The following PRH1 variants were observed in gnomAD, a reference collection of about 807,000 sequenced individuals.
The protein encoded by PRH1 is proline rich protein HaeIII subfamily 1.
In PRH1, 7 loss-of-function variants were observed where a neutral mutation model predicts 7.9. The observed-to-expected ratio is 0.89, with a 90% CI of 0.50 to 1.67. PRH1 has a LOEUF of 1.67. PRH1 is among the 40% of genes most tolerant of loss of function. The pLI is 0.00. For synonymous variants in PRH1, 45 were observed against 80.8 expected (o/e 0.56, Z 2.38); for missense variants, 109 against 223.6 (o/e 0.49, Z 3.27).
In PRH1 at chr12:11,005,608, T is replaced by C. The variant is rs544919970; in HGVS notation, c.-125-31887A>G. Among the ~76,000 whole-genome samples, 96 of 152,240 alleles carry C rather than the reference T, an allele frequency of 6.3e-4. 1 individual carries two copies. Among genetic ancestry groups the C allele is most frequent in the African/African-American group, 2.2e-3 (93 of 41,562 alleles). Reference sequence around the variant, plus strand: ...TGCTAATATGTTTGTATAAGTCTATTGTTAACAAGCTCATTAACACAAACA... The same window carrying C: ...TGCTAATATGTTTGTATAAGTCTATCGTTAACAAGCTCATTAACACAAACA... On this transcript the variant is annotated intron_variant, in intron 1 of 3. Coordinates refer to the PRH1 transcript ENST00000539853.
chr12:11,110,565 T>C (rs577799726), intron 1 of PRH1, among the ~76,000 whole-genome samples: 129 of 152,302 alleles, frequency 8.5e-4, no homozygotes, highest in African/African-American at 3.0e-3. Flanking sequence ...AGCTTCATAG[T>C]TGAAGGAGAA....
Position 10,995,399 on chromosome 12 carries a change from A to G in PRH1, c.-125-21678T>C, listed in dbSNP as rs562529498. Among the ~76,000 whole-genome samples, 3 of 152,318 alleles carry G rather than the reference A, an allele frequency of 2.0e-5. No individual in the cohort carries two copies. The South Asian group carries it at 6.2e-4, about 32-fold the overall frequency. On this transcript the variant is annotated intron_variant, in intron 1 of 3. Coordinates refer to the PRH1 transcript ENST00000539853. ...TTAGATAATATTGTTAAAATTGCAT[A>G]ACACCAGAAATTAATACAGTCACAC...
chr12:11,122,475 C>A (rs1181622203), intron 1 of PRH1, among the ~76,000 whole-genome samples: 2 of 152,246 alleles, frequency 1.3e-5, no homozygotes, highest in Non-Finnish European at 2.9e-5. Context: ...TTCTGCTAAA[C>A]CAAAAGTGTG....
intron 2 of PRH1, among the ~76,000 whole-genome samples, chr12:10,924,756 C>G (rs375672763): frequency 3.3e-5 from 5 of 152,096 alleles, no homozygotes. Flanking sequence ...AGGAATGTAT[C>G]CATTTCTTCT....
intron 1 of PRH1, among the ~76,000 whole-genome samples, chr12:11,111,312 T>A (rs1945584342): frequency 6.6e-6 from 1 of 152,214 alleles, no homozygotes; most frequent in Non-Finnish European, 1.5e-5. Context: ...CTAATAGACA[T>A]CTACAGAACT....
rs750024322 is a variant in PRH1 at position 11,062,030 on chromosome 12, C to T, written n.124-14842G>A. The stretch of plus-strand genomic sequence containing the variant: ...CAGTTGCTGAAATGGTTGATTACTG[C>T]CCAGACATTGTAAGCAGTAATTCTT... On this transcript the variant is annotated intron_variant and non_coding_transcript_variant, in intron 1 of 4. Coordinates refer to the PRH1 transcript ENST00000541977. 1.5e-5 allele frequency: 24 copies of T among 1,613,274 alleles called. No individual in the cohort carries two copies. The highest frequency in any genetic ancestry group is 1.9e-5 in the Non-Finnish European group (23 of 1,179,660).
intron 1 of PRH1, among the ~76,000 whole-genome samples, chr12:10,977,035 G>A (rs989461032): frequency 6.6e-6 from 1 of 151,982 alleles, no homozygotes; most frequent in African/African-American, 2.4e-5. Flanking sequence ...AAGAAACTGA[G>A]GAAAAGGGAC....
rs561335198 is a variant in PRH1 at position 11,150,578 on chromosome 12, C to A, written n.39+20844G>T. On this transcript the variant is annotated intron_variant and non_coding_transcript_variant, in intron 1 of 1. Transcript: ENST00000541175. ...AGTAAACTATGGCAAGGACAAAAAACCAAACACTGCATGTTCTCACTCATA... is the reference window on the plus strand; with the variant it reads ...AGTAAACTATGGCAAGGACAAAAAAACAAACACTGCATGTTCTCACTCATA... Among the ~76,000 whole-genome samples the A allele has an allele frequency of 5.3e-5, 8 of 152,124 alleles. No homozygotes were observed. In the South Asian group the frequency reaches 1.2e-3, roughly 24 times the overall value.
At chr12:10,948,257 G>T (rs1219126132) in intron 2 of PRH1, among the ~76,000 whole-genome samples, 3 of 152,202 alleles carry the variant, frequency 2.0e-5, no homozygotes, top group Admixed American at 2.0e-4. Flanking sequence ...CCCTTTCAGG[G>T]ATTCCAGTGA....
chr12:10,938,368 C>G, intron 2 of PRH1: 1 of 1,614,004 alleles, frequency 6.2e-7, no homozygotes, highest in Non-Finnish European at 8.5e-7. Context: ...TTCCAAGAAT[C>G]AGAACACATG....
At chr12:10,927,823 A>G (rs779456468) in intron 2 of PRH1, among the ~76,000 whole-genome samples, 3 of 152,226 alleles carry the variant, frequency 2.0e-5, no homozygotes, top group East Asian at 1.9e-4. Context: ...CAAGGCCTAC[A>G]CAAGGTCTGA....
intron 1 of PRH1, among the ~76,000 whole-genome samples, chr12:11,086,119 C>CATAT (rs1400649803): frequency 9.1e-6 from 1 of 110,482 alleles, no homozygotes; most frequent in South Asian, 2.5e-4. Context: ...CCCCCACACA[C>CATAT]ACACCCCTCA....
intron 1 of PRH1, chr12:11,006,398 AG>A (rs1940836708): frequency 7.4e-6 from 1 of 134,384 alleles, no homozygotes; most frequent in East Asian, 2.2e-4. Context: ...TTTCTGAGAC[AG>A]GCTCTTGCTC....
chr12:11,089,128 A>C (rs1439780265), intron 1 of PRH1, among the ~76,000 whole-genome samples: 1 of 115,472 alleles, frequency 8.7e-6, no homozygotes, highest in African/African-American at 2.9e-5. Flanking sequence ...GTGCTTTCTT[A>C]GATTCCCTTC....
intron 1 of PRH1, among the ~76,000 whole-genome samples, chr12:11,162,003 T>C (rs1260223962): frequency 1.3e-5 from 2 of 152,222 alleles, no homozygotes; most frequent in African/African-American, 4.8e-5. Flanking sequence ...TTATGAGTGA[T>C]TTAATTAAAT....
At chr12:10,924,092 A>G (rs1360019129) in intron 2 of PRH1, among the ~76,000 whole-genome samples, 2 of 128,886 alleles carry the variant, frequency 1.6e-5, no homozygotes, top group Non-Finnish European at 3.1e-5. Flanking sequence ...GGTTCACGCC[A>G]TTCTCCTGCC....
intron 1 of PRH1, among the ~76,000 whole-genome samples, chr12:11,100,006 A>G (rs1476686537): frequency 1.3e-5 from 2 of 152,188 alleles, no homozygotes; most frequent in Non-Finnish European, 2.9e-5. Context: ...ACTAAATAAG[A>G]AAGTTCCTAT....
chr12:11,038,137 G>A (rs1221616699), intron 1 of PRH1, among the ~76,000 whole-genome samples: 2 of 152,186 alleles, frequency 1.3e-5, no homozygotes, highest in Non-Finnish European at 2.9e-5. Context: ...AATTACAATG[G>A]TATCTATGAG....
intron 1 of PRH1, among the ~76,000 whole-genome samples, chr12:11,160,905 C>T (rs1445911970): frequency 2.0e-5 from 3 of 152,160 alleles, no homozygotes; most frequent in African/African-American, 7.2e-5. Flanking sequence ...TTTTTTGTTT[C>T]ACATTTGTAT....
Sources: gnomAD v4.1 joint callset for allele counts (sites outside exome capture counted in the v4.1 genomes callset) on GRCh38, gnomAD v4.1.1 for gene constraint, MANE v1.5 for transcripts, NCBI Gene and HGNC (gene_info 2026-07-23, HGNC 2026-07-21) for gene names.